The following GRID1 variants were observed in gnomAD, a reference collection of about 807,000 sequenced individuals.
The protein encoded by GRID1 is glutamate ionotropic receptor delta type subunit 1.
GRID1 carries 28 observed loss-of-function variants against 98.0 expected under a neutral mutation model. That is an observed-to-expected ratio of 0.29 (90% CI 0.21 to 0.39). The LOEUF is 0.39. Ranked by LOEUF, GRID1 falls within the 10% of genes least tolerant of loss-of-function variation. The pLI is 1.00. For missense variants in GRID1, 1,111 were observed against 1,340.5 expected, an observed-to-expected ratio of 0.83 and a Z score of 2.67; for synonymous variants, 553 against 538.5, an observed-to-expected ratio of 1.03 and a Z score of -0.37.
chr10:85,703,272 A>T (rs1157941559), intron 12 of GRID1, among the ~76,000 whole-genome samples: 1 of 152,100 alleles, frequency 6.6e-6, no homozygotes, highest in Non-Finnish European at 1.5e-5. Context: ...AAGCTACTCC[A>T]GCTGATAAAA....
intron 4 of GRID1, among the ~76,000 whole-genome samples, chr10:86,058,462 C>G (rs1273597139): frequency 6.6e-6 from 1 of 152,198 alleles, no homozygotes; most frequent in Non-Finnish European, 1.5e-5. Context: ...TCCTGAGTCC[C>G]AGAAATACCA....
Position 86,090,231 on chromosome 10 carries a change from A to C in GRID1, c.726+48588T>G, listed in dbSNP as rs183322353. Among the ~76,000 whole-genome samples the C allele has an allele frequency of 1.7e-3, 258 of 151,718 alleles. 1 individual carries two copies. Among genetic ancestry groups the C allele is most frequent in the African/African-American group, 5.7e-3 (234 of 41,356 alleles). On this transcript the variant is annotated intron_variant, in intron 4 of 15. Coordinates refer to ENST00000327946, the MANE Select transcript of GRID1 (RefSeq NM_017551.3). Reference sequence around the variant, plus strand: ...CCAAGAGATCAAGACCAGCCTGGGCAACATGGAGAAATCCCATCTCTACTA... The same window carrying C: ...CCAAGAGATCAAGACCAGCCTGGGCCACATGGAGAAATCCCATCTCTACTA...
intron 4 of GRID1, among the ~76,000 whole-genome samples, chr10:85,929,429 C>A (rs754332307): frequency 6.6e-6 from 1 of 152,182 alleles, no homozygotes; most frequent in Non-Finnish European, 1.5e-5. Context: ...CAGCATTCAG[C>A]CCACCTCTGT....
At chr10:86,183,546 A>G (rs1845687891) in intron 3 of GRID1, among the ~76,000 whole-genome samples, 1 of 152,102 alleles carries the variant, frequency 6.6e-6, no homozygotes, top group Non-Finnish European at 1.5e-5. Context: ...TTTAGTAGAG[A>G]CAGGGTTTCA....
At chr10:86,239,816 C>T (rs1846598930) in intron 2 of GRID1, among the ~76,000 whole-genome samples, 1 of 152,184 alleles carries the variant, frequency 6.6e-6, no homozygotes, top group Non-Finnish European at 1.5e-5. Context: ...ACAATTAAAC[C>T]TCTTTTCTTT....
chr10:85,939,938 A>G (rs1440129703), intron 4 of GRID1, among the ~76,000 whole-genome samples: 1 of 151,956 alleles, frequency 6.6e-6, no homozygotes, highest in Non-Finnish European at 1.5e-5. Context: ...ATGGTGGTGC[A>G]CACCTGTAAT....
intron 13 of GRID1, among the ~76,000 whole-genome samples, chr10:85,630,251 C>G (rs182180926): frequency 4.0e-4 from 61 of 152,302 alleles, no homozygotes; most frequent in South Asian, 2.5e-3. Flanking sequence ...CCAAGTCTTT[C>G]TTTAGCATCC....
At chr10:86,174,710 C>T (rs1054132272) in intron 3 of GRID1, among the ~76,000 whole-genome samples, 4 of 149,738 alleles carry the variant, frequency 2.7e-5, no homozygotes, top group Non-Finnish European at 5.9e-5. Context: ...AGGCAACCTA[C>T]AGAATGGGAG....
intron 5 of GRID1, 83 bp from the exon 6 acceptor site, chr10:85,869,263 C>T (rs1843253616): frequency 7.9e-7 from 1 of 1,259,562 alleles, no homozygotes; most frequent in Non-Finnish European, 1.2e-6. Context: ...TCTAGGCCAG[C>T]AGCCTGAAAA....
intron 4 of GRID1, among the ~76,000 whole-genome samples, chr10:86,124,496 C>T (rs1844722759): frequency 6.6e-6 from 1 of 152,186 alleles, no homozygotes; most frequent in Admixed American, 6.5e-5. Context: ...CAATAAACGC[C>T]TACTTCTTGG....
chr10:85,701,120 T>C (rs1407506332), intron 12 of GRID1, among the ~76,000 whole-genome samples: 1 of 152,140 alleles, frequency 6.6e-6, no homozygotes, highest in Non-Finnish European at 1.5e-5. Flanking sequence ...TTAAACTCTT[T>C]GGGAGGTTTC....
intron 3 of GRID1, among the ~76,000 whole-genome samples, chr10:86,147,413 G>C (rs1845104390): frequency 6.6e-6 from 1 of 152,152 alleles, no homozygotes; most frequent in Non-Finnish European, 1.5e-5. Flanking sequence ...AACAACGCTG[G>C]AGGCATCACA....
intron 6 of GRID1, among the ~76,000 whole-genome samples, 198 bp from the exon 7 acceptor site, chr10:85,856,388 G>A (rs989037076): frequency 6.6e-6 from 1 of 152,190 alleles, no homozygotes; most frequent in African/African-American, 2.4e-5. Flanking sequence ...ATAAGACCTT[G>A]CCCTGCCTCA....
rs764133273 is a variant in GRID1 at position 85,599,616 on chromosome 10, A to T, written c.*2657T>A. 6.6e-6 allele frequency: 1 copy of T among 152,088 alleles called. No homozygotes were observed. 9.4% of individuals were successfully genotyped at this position (152,088 alleles called of 1,614,324 possible). On this transcript the variant is annotated 3_prime_UTR_variant, in exon 16 of 16. Coordinates refer to ENST00000327946, the MANE Select transcript of GRID1 (RefSeq NM_017551.3). ...TTTGCAGTGTCTGAAGGCACAAAAT[A>T]TACCTAAAATGTATGGAATAGTCTA...
At chr10:86,339,450 C>T (rs1848278001) in intron 2 of GRID1, among the ~76,000 whole-genome samples, 1 of 152,206 alleles carries the variant, frequency 6.6e-6, no homozygotes, top group Non-Finnish European at 1.5e-5. Context: ...CTTGCAGCTC[C>T]CAGGGGTGTG....
At chr10:86,086,568 C>T (rs997280189) in intron 4 of GRID1, among the ~76,000 whole-genome samples, 1 of 152,124 alleles carries the variant, frequency 6.6e-6, no homozygotes, top group Non-Finnish European at 1.5e-5. Flanking sequence ...CTGCAGAACC[C>T]ACAGGGGGTT....
At chr10:86,193,017 G>T (rs1448024521) in intron 3 of GRID1, among the ~76,000 whole-genome samples, 1 of 151,988 alleles carries the variant, frequency 6.6e-6, no homozygotes, top group African/African-American at 2.4e-5. Context: ...AGAAGGTGAG[G>T]CAATGAAAAA....
At chr10:86,242,643 C>T (rs1288754495) in intron 2 of GRID1, among the ~76,000 whole-genome samples, 1 of 152,144 alleles carries the variant, frequency 6.6e-6, no homozygotes, top group Non-Finnish European at 1.5e-5. Flanking sequence ...AGCTGGAGCC[C>T]CTGCCCATGC....
chr10:85,748,188 T>A (rs914506363), intron 8 of GRID1, among the ~76,000 whole-genome samples: 1 of 152,030 alleles, frequency 6.6e-6, no homozygotes, highest in African/African-American at 2.4e-5. Context: ...AGTAAGAACA[T>A]CTGCAACTGA....
Sources: gnomAD v4.1 joint callset for allele counts (sites outside exome capture counted in the v4.1 genomes callset) on GRCh38, gnomAD v4.1.1 for gene constraint, MANE v1.5 for transcripts, NCBI Gene and HGNC (gene_info 2026-07-23, HGNC 2026-07-21) for gene names.